NXPE2: variants seen among roughly 807,000 people sequenced by gnomAD.
NXPE2 encodes the protein NXPE family member 2.
A neutral mutation model predicts 34.4 loss-of-function variants in NXPE2; 34 were observed. That is an observed-to-expected ratio of 0.99 (90% CI 0.75 to 1.31). NXPE2 has a LOEUF of 1.31. Among genes scored for constraint, NXPE2 ranks in the 40% most tolerant of loss-of-function variants. The probability of loss-of-function intolerance (pLI) is 0.00; values close to 1 mark genes in which losing one functional copy is unlikely to be tolerated. For synonymous variants in NXPE2, 235 were observed against 231.3 expected (o/e 1.02, Z -0.15); for missense variants, 649 against 672.5 (o/e 0.97, Z 0.39).
At chr11:114,608,416 A>G in the NXPE2 span, among the ~76,000 whole-genome samples, 2 of 151,846 alleles carry the variant, frequency 1.3e-5, no homozygotes, top group Non-Finnish European at 2.9e-5. Flanking sequence ...TACCTGGTAG[A>G]TAATAAGTGT....
At chr11:114,550,471 G>T in the NXPE2 span, among the ~76,000 whole-genome samples, 1 of 152,104 alleles carries the variant, frequency 6.6e-6, no homozygotes, top group Non-Finnish European at 1.5e-5. Flanking sequence ...CATCAGTGAG[G>T]ATATAGAATG....
the NXPE2 span, among the ~76,000 whole-genome samples, chr11:114,668,779 T>G: frequency 3.9e-5 from 6 of 152,108 alleles, no homozygotes; most frequent in Admixed American, 2.0e-4. Flanking sequence ...TAGGACAGCA[T>G]TTTTGGAATG....
At chr11:114,764,816 T>C in the NXPE2 span, among the ~76,000 whole-genome samples, 1 of 152,326 alleles carries the variant, frequency 6.6e-6, no homozygotes, top group Non-Finnish European at 1.5e-5. Context: ...ATCTCACTCA[T>C]GCTACGTGGC....
At chr11:114,542,337 G>A in the NXPE2 span, among the ~76,000 whole-genome samples, 1 of 152,194 alleles carries the variant, frequency 6.6e-6, no homozygotes, top group Non-Finnish European at 1.5e-5. Flanking sequence ...GAAAACATTA[G>A]AATTCAGGGA....
At chr11:114,673,886 C>T (rs183460354), upstream of NXPE2, among the ~76,000 whole-genome samples, 1 of 151,878 alleles carries the variant, frequency 6.6e-6, no homozygotes, top group African/African-American at 2.4e-5. Flanking sequence ...CTAAATCCTT[C>T]AGGATACACA....
chr11:114,701,794 C>A (rs1298379035), intron 3 of NXPE2, among the ~76,000 whole-genome samples: 2 of 152,150 alleles, frequency 1.3e-5, no homozygotes, highest in Admixed American at 6.5e-5. Context: ...CTGCACAAAT[C>A]CACTTATATT....
the NXPE2 span, among the ~76,000 whole-genome samples, chr11:114,621,574 T>A: frequency 6.6e-6 from 1 of 152,176 alleles, no homozygotes; most frequent in Non-Finnish European, 1.5e-5. Context: ...TAACCACTGT[T>A]ACCTGTTGGA....
the NXPE2 span, among the ~76,000 whole-genome samples, chr11:114,623,020 C>A: frequency 6.6e-6 from 1 of 150,506 alleles, no homozygotes; most frequent in East Asian, 2.0e-4. Context: ...TGTTGCCTTG[C>A]GGGAAACCCC....
the NXPE2 span, among the ~76,000 whole-genome samples, chr11:114,656,576 A>T: frequency 3.9e-5 from 6 of 152,222 alleles, no homozygotes; most frequent in Non-Finnish European, 7.4e-5. Flanking sequence ...TGATAAGTTA[A>T]TTGCATGAAA....
the NXPE2 span, among the ~76,000 whole-genome samples, chr11:114,514,613 T>A: frequency 6.6e-6 from 1 of 152,136 alleles, no homozygotes; most frequent in Non-Finnish European, 1.5e-5. Context: ...GGTCTCAAAC[T>A]CCTGGGCTGA....
chr11:114,610,266 GT>G, the NXPE2 span, among the ~76,000 whole-genome samples: 1 of 151,384 alleles, frequency 6.6e-6, no homozygotes, highest in African/African-American at 2.4e-5. Flanking sequence ...TGGATAATAG[GT>G]GTTGCCTACC....
the NXPE2 span, among the ~76,000 whole-genome samples, chr11:114,534,492 A>G: frequency 1.7e-4 from 26 of 152,358 alleles, no homozygotes; most frequent in African/African-American, 5.8e-4. Flanking sequence ...ACTCTGAGCT[A>G]AAGGAGGAAG....
the NXPE2 span, among the ~76,000 whole-genome samples, chr11:114,663,987 G>C: frequency 6.6e-6 from 1 of 152,110 alleles, no homozygotes; most frequent in Non-Finnish European, 1.5e-5. Flanking sequence ...CAGTTTGACA[G>C]TTTCTTATAA....
the NXPE2 span, among the ~76,000 whole-genome samples, chr11:114,573,286 A>G: frequency 2.0e-5 from 3 of 152,154 alleles, no homozygotes; most frequent in African/African-American, 7.2e-5. Context: ...CCTACATGAA[A>G]TAATGCAATG....
the NXPE2 span, among the ~76,000 whole-genome samples, chr11:114,799,326 C>T: frequency 1.4e-5 from 2 of 143,002 alleles, no homozygotes; most frequent in African/African-American, 2.6e-5. Flanking sequence ...TTGGTGGCAT[C>T]AGTTAAGACT....
chr11:114,800,720 GTGTAATCTTGGACAAAT>G, the NXPE2 span, among the ~76,000 whole-genome samples: 1 of 152,148 alleles, frequency 6.6e-6, no homozygotes, highest in Admixed American at 6.5e-5. Context: ...TTTACTTACT[GTGTAATCTTGGACAAAT>G]TGTGTAATCT....
At chr11:114,664,889 T>G in the NXPE2 span, among the ~76,000 whole-genome samples, 1 of 152,298 alleles carries the variant, frequency 6.6e-6, no homozygotes, top group African/African-American at 2.4e-5. Flanking sequence ...TCAGATGATT[T>G]TGCCCAGCTG....
At chr11:114,737,697 G>C in the NXPE2 span, among the ~76,000 whole-genome samples, 1 of 152,154 alleles carries the variant, frequency 6.6e-6, no homozygotes, top group East Asian at 1.9e-4. Flanking sequence ...TCTAGGGTTT[G>C]AGGGGTTCTC....
the NXPE2 span, among the ~76,000 whole-genome samples, chr11:114,634,324 T>C: frequency 6.6e-6 from 1 of 152,124 alleles, no homozygotes; most frequent in Non-Finnish European, 1.5e-5. Context: ...GTTATTTTCT[T>C]GTAAATTTGT....
Sources: gnomAD v4.1 joint callset for allele counts (sites outside exome capture counted in the v4.1 genomes callset) on GRCh38, gnomAD v4.1.1 for gene constraint, MANE v1.5 for transcripts, NCBI Gene and HGNC (gene_info 2026-07-23, HGNC 2026-07-21) for gene names.